SLC24A3: variants seen among roughly 807,000 people sequenced by gnomAD.
SLC24A3 encodes the protein sodium/potassium/calcium exchanger 3.
In SLC24A3, 28 loss-of-function variants were observed where a neutral mutation model predicts 75.8. The ratio of observed to expected loss-of-function variants is 0.37; its 90% confidence interval spans 0.27 to 0.51. The LOEUF is 0.51. Ranked by LOEUF, SLC24A3 falls within the 20% of genes least tolerant of loss-of-function variation. The pLI, the probability that SLC24A3 is intolerant of heterozygous loss-of-function variation, is 0.94. For missense variants in SLC24A3, 663 were observed against 847.8 expected (o/e 0.78, Z 2.71); for synonymous variants, 372 against 334.1 (o/e 1.11, Z -1.24).
intron 12 of SLC24A3, among the ~76,000 whole-genome samples, chr20:19,688,874 T>A (rs2032712629): frequency 7.2e-6 from 1 of 139,584 alleles, no homozygotes; most frequent in Admixed American, 6.9e-5. Context: ...ACATGTATAC[T>A]GTGTACACTT....
At position 19,276,500 on chromosome 20, in the gene SLC24A3, C is replaced by T. The variant is rs149019532; in HGVS notation, c.143-4459C>T. On this transcript the variant is annotated intron_variant, in intron 1 of 16. Coordinates refer to ENST00000328041, the MANE Select transcript of SLC24A3 (RefSeq NM_020689.4). The stretch of plus-strand genomic sequence containing the variant: ...ATTGCTCCTAGGCTAAAAACCTGTA[C>T]GGCAAGTGACTGACTGTACTGAACA... Among the ~76,000 whole-genome samples the T allele has an allele frequency of 2.2e-3, 332 of 152,280 alleles. 1 individual carries two copies. The highest frequency in any genetic ancestry group is 7.8e-3 in the African/African-American group (323 of 41,548).
chr20:19,453,329 T>C (rs535367975), intron 2 of SLC24A3, among the ~76,000 whole-genome samples: 11 of 152,304 alleles, frequency 7.2e-5, no homozygotes, highest in African/African-American at 2.6e-4. Flanking sequence ...GCCTCCAGCC[T>C]GGGTGGCAGA....
intron 1 of SLC24A3, among the ~76,000 whole-genome samples, chr20:19,237,722 C>T (rs142920395): frequency 9.8e-5 from 15 of 152,318 alleles, no homozygotes; most frequent in African/African-American, 3.6e-4. Context: ...GAGATTCACT[C>T]TTGGTGAGAG....
chr20:19,431,547 G>A (rs6081595), intron 2 of SLC24A3, among the ~76,000 whole-genome samples: 38,369 of 151,736 alleles, frequency 0.25, 5,722 homozygotes, highest in Middle Eastern at 0.43. Flanking sequence ...GGTGCCTGTC[G>A]CCAGCCAGAT....
At chr20:19,456,100 T>G (rs1187272412) in intron 2 of SLC24A3, among the ~76,000 whole-genome samples, 1 of 152,196 alleles carries the variant, frequency 6.6e-6, no homozygotes, top group Non-Finnish European at 1.5e-5. Flanking sequence ...TTTTTCCATC[T>G]GTATCTGTAA....
intron 1 of SLC24A3, among the ~76,000 whole-genome samples, chr20:19,262,666 A>C (rs531727795): frequency 6.6e-6 from 1 of 152,240 alleles, no homozygotes; most frequent in East Asian, 1.9e-4. Flanking sequence ...CCCTTTCTCC[A>C]TAACTTTCTG....
chr20:19,444,366 C>T (rs1017855896), intron 2 of SLC24A3, among the ~76,000 whole-genome samples: 15 of 152,050 alleles, frequency 9.9e-5, no homozygotes, highest in Admixed American at 2.6e-4. Flanking sequence ...GAAGTATTCC[C>T]GCTGCTTCAT....
intron 2 of SLC24A3, among the ~76,000 whole-genome samples, chr20:19,324,194 G>C (rs1984785591): frequency 6.6e-6 from 1 of 152,166 alleles, no homozygotes; most frequent in South Asian, 2.1e-4. Flanking sequence ...GAAATCTCCT[G>C]GCTGTTCACT....
intron 2 of SLC24A3, among the ~76,000 whole-genome samples, chr20:19,456,605 C>T (rs1987582234): frequency 6.6e-6 from 1 of 152,232 alleles, no homozygotes; most frequent in Non-Finnish European, 1.5e-5. Flanking sequence ...GACTAATACA[C>T]AACCCATTCT....
chr20:19,355,521 C>G (rs1036825908), intron 2 of SLC24A3, among the ~76,000 whole-genome samples: 11 of 152,186 alleles, frequency 7.2e-5, no homozygotes, highest in Non-Finnish European at 1.6e-4. Flanking sequence ...CTGTAGGACC[C>G]CCAGGGTGTT....
At chr20:19,713,041 G>A (rs557826840) in intron 15 of SLC24A3, among the ~76,000 whole-genome samples, 2 of 152,336 alleles carry the variant, frequency 1.3e-5, no homozygotes, top group South Asian at 2.1e-4. Context: ...AGTTACATGG[G>A]TGTATGCATT....
At chr20:19,226,639 ACTGTT>A (rs1981878963) in intron 1 of SLC24A3, among the ~76,000 whole-genome samples, 1 of 152,200 alleles carries the variant, frequency 6.6e-6, no homozygotes, top group African/African-American at 2.4e-5. Flanking sequence ...GTGGCCGAGG[ACTGTT>A]CTAAGTGCTT....
Position 19,370,858 on chromosome 20 carries a change from T to A in SLC24A3, c.271+89771T>A, listed in dbSNP as rs77298073. Among the ~76,000 whole-genome samples, 90 of 152,138 alleles carry A rather than the reference T, an allele frequency of 5.9e-4. No individual in the cohort carries two copies. In the East Asian group the frequency reaches 0.017, roughly 28 times the overall value. ...GGTTGCTCAAGGAAAGAAACACAAC[T>A]CTCTGGTTAGACCGGCTCTGGGCTG... On this transcript the variant is annotated intron_variant, in intron 2 of 16. Transcript: ENST00000328041.
intron 9 of SLC24A3, 51 bp downstream of exon 9, chr20:19,673,705 T>A (rs1202244330): frequency 6.7e-7 from 1 of 1,490,822 alleles, no homozygotes; most frequent in Admixed American, 1.7e-5. Context: ...GCATTCCACA[T>A]TATGTGATGA....
chr20:19,476,924 C>T (rs554410162), intron 2 of SLC24A3, among the ~76,000 whole-genome samples: 103 of 152,112 alleles, frequency 6.8e-4, no homozygotes, highest in South Asian at 6.2e-3. Context: ...AGGGCATTTT[C>T]GAGACTTAGA....
intron 2 of SLC24A3, among the ~76,000 whole-genome samples, chr20:19,306,892 A>C (rs1984345984): frequency 6.6e-6 from 1 of 152,200 alleles, no homozygotes; most frequent in Admixed American, 6.5e-5. Flanking sequence ...ACAAACAAAC[A>C]AACAAAAACC....
At chr20:19,422,815 A>G (rs1382028174) in intron 2 of SLC24A3, among the ~76,000 whole-genome samples, 2 of 152,006 alleles carry the variant, frequency 1.3e-5, no homozygotes, top group Non-Finnish European at 2.9e-5. Flanking sequence ...TCTTTACAAA[A>G]CCCCACCCAG....
chr20:19,382,791 G>C (rs563386048), intron 2 of SLC24A3, among the ~76,000 whole-genome samples: 1 of 152,258 alleles, frequency 6.6e-6, no homozygotes, highest in South Asian at 2.1e-4. Context: ...GGTTTGAAGA[G>C]GATTCAAGCA....
intron 2 of SLC24A3, among the ~76,000 whole-genome samples, chr20:19,467,117 T>C (rs1427656731): frequency 8.5e-4 from 130 of 152,128 alleles, no homozygotes; most frequent in Non-Finnish European, 1.6e-4. Flanking sequence ...GAAAGATCAC[T>C]CTAGCTGTTG....
Sources: gnomAD v4.1 joint callset for allele counts (sites outside exome capture counted in the v4.1 genomes callset) on GRCh38, gnomAD v4.1.1 for gene constraint, MANE v1.5 for transcripts, NCBI Gene and HGNC (gene_info 2026-07-23, HGNC 2026-07-21) for gene names.